The following SERPINB13 variants were observed in gnomAD, a reference collection of about 807,000 sequenced individuals.
The protein encoded by SERPINB13 is serpin B13.
SERPINB13 carries 26 observed loss-of-function variants against 31.2 expected under a neutral mutation model. The observed-to-expected ratio is 0.83, with a 90% confidence interval of 0.61 to 1.15. The LOEUF (loss-of-function observed/expected upper bound fraction) is 1.15. Ranked by LOEUF, SERPINB13 falls within the 50% of genes most tolerant of loss-of-function variation. The pLI is 0.00. For missense variants in SERPINB13, 510 were observed against 469.4 expected, an observed-to-expected ratio of 1.09 and a Z score of -0.80; for synonymous variants, 191 against 172.4, an observed-to-expected ratio of 1.11 and a Z score of -0.85.
chr18:63,593,084 GGGGT>G, intron 5 of SERPINB13, 113 bp downstream of exon 5: 4 of 713,634 alleles, frequency 5.6e-6, no homozygotes, highest in Non-Finnish European at 9.6e-6. Flanking sequence ...GTCACTGCGT[GGGGT>G]GCCATGCAGT....
rs772570111 is a variant in SERPINB13 at position 63,596,959 on chromosome 18, A to G, written c.772A>G (p.Ile258Val). The G allele has an allele frequency of 1.4e-5, 22 of 1,592,896 alleles. No homozygotes were observed. The African/African-American group carries it at 2.6e-4, about 19-fold the overall frequency. The change falls in exon 8 of 8, where the codon ATA (isoleucine) becomes GTA (valine). Residue 258 changes from isoleucine to valine, a missense_variant and splice_region_variant. Transcript: ENST00000344731. ...TCTACTCTTCTTTTTTTGAAAATAG[A>G]TAATAGATAAAATAAGTCCTGAGAA... is the stretch of plus-strand genomic sequence containing the variant. ...LPNDIDGLEK[I>V]IDKISPEKLV... is the part of the protein sequence containing the mutation.
chr18:63,594,263 T>C (rs1247826550), intron 5 of SERPINB13, 92 bp from the exon 6 acceptor site: 2 of 1,580,080 alleles, frequency 1.3e-6, no homozygotes, highest in Admixed American at 1.8e-5. Context: ...GGGTTTTTAA[T>C]GATCAGTCAA....
rs962398688 is a variant in SERPINB13 at position 63,597,121 on chromosome 18, C to A, written c.934C>A (p.His312Asn). ...GGGGATGGGCGATGCCTTCAGTGAG[C>A]ACAAAGCCGACTACTCGGGAATGTC... ...AMGMGDAFSEHKADYSGMSSG... is the reference protein window; with the variant it reads ...AMGMGDAFSENKADYSGMSSG... Residue 312 changes from histidine to asparagine, a missense_variant, in exon 8 of 8, where the codon CAC becomes AAC. Transcript: ENST00000344731. The A allele has an allele frequency of 1.1e-5, 17 of 1,614,056 alleles. No individual in the cohort carries two copies. The highest frequency in any genetic ancestry group is 1.4e-5 in the Non-Finnish European group (16 of 1,180,032).
At chr18:63,589,855 A>AT (rs1911748545) in intron 3 of SERPINB13, 140 bp downstream of exon 3, 1 of 1,478,466 alleles carries the variant, frequency 6.8e-7, no homozygotes, top group African/African-American at 1.4e-5. Context: ...CTATTAAGCA[A>AT]TAATAATCAC....
At chr18:63,589,834 T>C (rs989297110) in intron 3 of SERPINB13, 119 bp downstream of exon 3, 12 of 1,553,808 alleles carry the variant, frequency 7.7e-6, no homozygotes, top group Non-Finnish European at 1.0e-5. Context: ...GAAAGCAATA[T>C]TGTTGCTTTA....
chr18:63,588,946 G>C (rs1471555248), intron 2 of SERPINB13, 114 bp downstream of exon 2: 5 of 1,135,678 alleles, frequency 4.4e-6, no homozygotes, highest in Non-Finnish European at 6.0e-6. Flanking sequence ...CTGTGGACCA[G>C]GAAACAGAGA....
intron 7 of SERPINB13, among the ~76,000 whole-genome samples, 159 bp from the exon 8 acceptor site, chr18:63,596,800 A>C (rs1307598750): frequency 6.6e-6 from 1 of 152,250 alleles, no homozygotes; most frequent in Admixed American, 6.5e-5. Context: ...GAGATATAAG[A>C]CAACCGCCTG....
chr18:63,587,357 T>G lies in SERPINB13; in HGVS notation c.-111T>G, dbSNP rs1168244247. On this transcript the variant is annotated 5_prime_UTR_variant, in exon 1 of 8. An upstream start codon of the reference 5' UTR is lost. Transcript: ENST00000344731. The stretch of plus-strand genomic sequence containing the variant: ...GGTGGAAAACCACTGCTGAAGCAGA[T>G]GTGGAGAACTATAAATTAAGGATCC... The G allele has an allele frequency of 1.3e-5, 6 of 464,796 alleles. No homozygotes were observed. Among genetic ancestry groups the G allele is most frequent in the South Asian group, 7.8e-5 (5 of 63,824 alleles). The allele number at this position is 464,796 out of a possible 1,614,324, so 28.8% of individuals were successfully genotyped here.
rs1449207426 is a variant in SERPINB13, at chr18:63,589,713, G to A, written c.223G>A (p.Val75Met). ...AAGAATAAAGGCTGAAGAAAAAGAG[G>A]TGGTAAGAATAAAGGCTGAAGGAAA... is the stretch of plus-strand genomic sequence containing the variant. ...SSRIKAEEKE[V>M]IENTEAVHQQ... The change falls in exon 3 of 8, where the codon GTG becomes ATG. Residue 75 changes from valine to methionine, a missense_variant and splice_region_variant. Val to Met is a conservative substitution (Grantham distance 21). Transcript: ENST00000344731. 4.3e-6 allele frequency: 7 copies of A among 1,613,350 alleles called. No homozygotes were observed. Among genetic ancestry groups the A allele is most frequent in the Non-Finnish European group, 1.7e-6 (2 of 1,179,290 alleles).
chr18:63,594,368 C>T lies in SERPINB13; in HGVS notation c.486C>T (p.Asp162=), dbSNP rs1341003965. 8 of 1,613,792 alleles carry T rather than the reference C, an allele frequency of 5.0e-6. No individual in the cohort carries two copies. The highest frequency in any genetic ancestry group is 1.7e-5 in the Admixed American group (1 of 59,946). ...CTTCATTTGCAGAAAAAATCAAGGA[C>T]TTGTTCCCAGATGGCTCTATTAGTA... ...VESKTNEKIK[D]LFPDGSISSS... Residue 162 remains aspartate (D), a synonymous_variant, in exon 6 of 8, where the codon GAC becomes GAT. Transcript: ENST00000344731.
rs747959497 is a variant in SERPINB13, at chr18:63,597,252, C to G, written c.1065C>G (p.Val355=). The change falls in exon 8 of 8, where the codon GTC becomes GTG. Residue 355 remains valine (V), a synonymous_variant. Transcript: ENST00000344731. ...CTGCCACCGGCATAGGCTTTACTGT[C>G]ACATCCGCCCCAGGTCATGAAAATG... ...AAAATGIGFT[V]TSAPGHENVH... 1.9e-6 allele frequency: 3 copies of G among 1,614,122 alleles called. No individual in the cohort carries two copies. The highest frequency in any genetic ancestry group is 2.7e-5 in the African/African-American group (2 of 74,950).
chr18:63,597,582 A>C lies in SERPINB13; in HGVS notation c.*219A>C. The C allele has an allele frequency of 2.0e-6, 1 of 506,292 alleles. No individual in the cohort carries two copies. Among genetic ancestry groups the C allele is most frequent in the Non-Finnish European group, 3.5e-6 (1 of 289,176 alleles). The allele number at this position is 506,292 out of a possible 1,614,324, so 31.4% of individuals were successfully genotyped here. On this transcript the variant is annotated 3_prime_UTR_variant, in exon 8 of 8. Coordinates refer to ENST00000344731, the MANE Select transcript of SERPINB13 (RefSeq NM_012397.4). ...TTTGTGCCATGCGTAAGGTGAGTCA[A>C]ACCAAACCTCATTGATAATCTCCCT...
In SERPINB13 at chr18:63,592,477, G is replaced by A. The variant is rs1188608834; in HGVS notation, c.354+1G>A. 1 of 1,612,872 alleles carries A rather than the reference G, an allele frequency of 6.2e-7. No homozygotes were observed. Among genetic ancestry groups the A allele is most frequent in the Non-Finnish European group, 8.5e-7 (1 of 1,179,532 alleles). ...AGAAAAAACATACCTCTTCCTTCAA[G>A]TAAGTTTGCCATGCCTACCATATCT... On this transcript the variant is annotated splice_donor_variant, in intron 4 of 7. Transcript: ENST00000344731. LOFTEE classifies it high-confidence loss of function.
At chr18:63,594,937 T>A in intron 6 of SERPINB13, 92 bp from the exon 7 acceptor site, 1 of 1,176,600 alleles carries the variant, frequency 8.5e-7, no homozygotes, top group Non-Finnish European at 1.2e-6. Context: ...TTATTTTAGA[T>A]TGAGCTAATT....
In SERPINB13 at chr18:63,597,021, A is replaced by C; in HGVS notation, c.834A>C (p.Glu278Asp). 1 of 1,614,194 alleles carries C rather than the reference A, an allele frequency of 6.2e-7. No homozygotes were observed. Among genetic ancestry groups the C allele is most frequent in the Non-Finnish European group, 8.5e-7 (1 of 1,180,020 alleles). The change falls in exon 8 of 8, where the codon GAA becomes GAC. Residue 278 changes from glutamate (E) to aspartate (D), a missense_variant. Transcript: ENST00000344731. ...GGACTAGTCCAGGGCATATGGAAGA[A>C]AGAAAGGTGAATCTGCACTTGCCCC... Reference protein sequence around the residue: ...VEWTSPGHMEERKVNLHLPRF... With the variant: ...VEWTSPGHMEDRKVNLHLPRF...
In SERPINB13 at chr18:63,595,040, A is replaced by C. The variant is rs1327948510; in HGVS notation, c.627A>C (p.Lys209Asn). The C allele has an allele frequency of 1.2e-6, 2 of 1,611,582 alleles. No homozygotes were observed. Among genetic ancestry groups the C allele is most frequent in the African/African-American group, 2.7e-5 (2 of 74,740 alleles). ...TTAATTTGTTGCAGAGCACAAGTAA[A>C]TCTGTACAGATGATGACACAGAGCC... is the stretch of plus-strand genomic sequence containing the variant. ...EKFWMNKSTS[K>N]SVQMMTQSHS... The change falls in exon 7 of 8, where the codon AAA becomes AAC. Residue 209 changes from lysine (K) to asparagine (N), a missense_variant. Coordinates refer to ENST00000344731, the MANE Select transcript of SERPINB13 (RefSeq NM_012397.4).
intron 7 of SERPINB13, among the ~76,000 whole-genome samples, chr18:63,596,132 C>T (rs1912153654): frequency 6.6e-6 from 1 of 152,026 alleles, no homozygotes; most frequent in African/African-American, 2.4e-5. Context: ...AGAAACGTAG[C>T]CTAGAAGGGG....
In SERPINB13 at chr18:63,587,448, G is replaced by A. The variant is rs374389276; in HGVS notation, c.-20G>A. 2 of 471,050 alleles carry A rather than the reference G, an allele frequency of 4.2e-6. No homozygotes were observed. The highest frequency in any genetic ancestry group is 2.0e-5 in the African/African-American group (1 of 50,204). The allele number at this position is 471,050 out of a possible 1,614,324, so 29.2% of individuals were successfully genotyped here. A position where few individuals can be genotyped will look rare whatever the true frequency, so the allele number is the denominator to read the frequency against. ...GCCACCACCGTCTCTCCAAAAACCC[G>A]AGGTAAGTTCTTATTTTGGCTCCAA... On this transcript the variant is annotated splice_region_variant and 5_prime_UTR_variant, in exon 1 of 8. Coordinates refer to ENST00000344731, the MANE Select transcript of SERPINB13 (RefSeq NM_012397.4).
intron 7 of SERPINB13, among the ~76,000 whole-genome samples, chr18:63,596,640 A>G (rs890142453): frequency 3.2e-4 from 49 of 152,246 alleles, no homozygotes; most frequent in African/African-American, 1.2e-3. Context: ...GATTGCAACT[A>G]TGTAAATATA....
Sources: allele counts gnomAD v4.1 joint callset (sites outside exome capture counted in the v4.1 genomes callset), GRCh38; gene constraint gnomAD v4.1.1; transcripts MANE v1.5; gene names NCBI Gene and HGNC (gene_info 2026-07-23, HGNC 2026-07-21).